Variants in PLOD2 observed in about 807,000 individuals in gnomAD.
PLOD2 encodes procollagen-lysine,2-oxoglutarate 5-dioxygenase 2, also known as lysine hydroxylase 2.
PLOD2 carries 65 observed loss-of-function variants against 101.0 expected under a neutral mutation model. The ratio of observed to expected loss-of-function variants is 0.64; its 90% CI spans 0.53 to 0.79. The LOEUF (loss-of-function observed/expected upper bound fraction) is 0.79, where lower values mean the gene tolerates loss of function less well. Ranked by LOEUF, PLOD2 falls within the 30% of genes least tolerant of loss-of-function variation. The pLI, the probability that PLOD2 is intolerant of heterozygous loss-of-function variation, is 0.00. For synonymous variants in PLOD2, 314 were observed against 302.9 expected (o/e 1.04, Z -0.38); for missense variants, 909 against 914.6 (o/e 0.99, Z 0.08).
Position 146,135,778 on chromosome 3 carries a change from C to T in PLOD2, c.110-11549G>A, listed in dbSNP as rs541772118. ...GCATCTTTTTAAAATTTTTGTATTTCTTCGAGATATTTCCAAATAGAGTAC... is the reference window on the plus strand; with the variant it reads ...GCATCTTTTTAAAATTTTTGTATTTTTTCGAGATATTTCCAAATAGAGTAC... On this transcript the variant is annotated intron_variant, in intron 1 of 19. Coordinates refer to ENST00000282903, the MANE Select transcript of PLOD2 (RefSeq NM_182943.3). Among the ~76,000 whole-genome samples, 385 of 152,024 alleles carry T rather than the reference C, an allele frequency of 2.5e-3. 2 individuals carry two copies. Among genetic ancestry groups the T allele is most frequent in the African/African-American group, 8.9e-3 (371 of 41,520 alleles).
intron 1 of PLOD2, among the ~76,000 whole-genome samples, chr3:146,144,124 T>C (rs1288790700): frequency 6.6e-6 from 1 of 152,126 alleles, no homozygotes; most frequent in Non-Finnish European, 1.5e-5. Flanking sequence ...CTTATAATGG[T>C]ATTCTTCAAC....
At chr3:146,080,611 A>C (rs915234511) in intron 12 of PLOD2, among the ~76,000 whole-genome samples, 5 of 151,988 alleles carry the variant, frequency 3.3e-5, no homozygotes, top group African/African-American at 1.2e-4. Context: ...TTTTTTCCTT[A>C]TACTTTAGAC....
chr3:146,114,975 T>C (rs937783348), intron 3 of PLOD2, among the ~76,000 whole-genome samples: 1 of 152,046 alleles, frequency 6.6e-6, no homozygotes, highest in African/African-American at 2.4e-5. Context: ...TGTAGAAAAC[T>C]TGGGGGGGAT....
intron 17 of PLOD2, among the ~76,000 whole-genome samples, chr3:146,071,877 T>C (rs1001059421): frequency 2.0e-5 from 3 of 151,722 alleles, no homozygotes; most frequent in Admixed American, 6.6e-5. Context: ...TCAAAAGTTT[T>C]TGAATGATTG....
At chr3:146,089,158 A>G (rs562972603) in intron 8 of PLOD2, among the ~76,000 whole-genome samples, 1 of 151,692 alleles carries the variant, frequency 6.6e-6, no homozygotes, top group South Asian at 2.1e-4. Context: ...AAAAGCAATC[A>G]TGGGAGACCT....
intron 2 of PLOD2, chr3:146,123,231 TAAA>T: frequency 1.2e-6 from 1 of 825,928 alleles, no homozygotes; most frequent in Non-Finnish European, 1.6e-6. Flanking sequence ...TCTTCTTTTT[TAAA>T]AAAAAAGTTT....
chr3:146,109,598 C>T (rs1444950095), intron 4 of PLOD2, among the ~76,000 whole-genome samples: 2 of 152,216 alleles, frequency 1.3e-5, no homozygotes, highest in Non-Finnish European at 2.9e-5. Context: ...ACATGTCCTT[C>T]ATCCTATTTG....
At chr3:146,110,176 A>G (rs543505884) in intron 4 of PLOD2, 109 bp downstream of exon 4, 1 of 926,898 alleles carries the variant, frequency 1.1e-6, no homozygotes, top group Non-Finnish European at 1.7e-6. Flanking sequence ...CTAATAATAA[A>G]ATAAGGGTTA....
chr3:146,114,369 T>G lies in PLOD2; in HGVS notation c.339-3921A>C, dbSNP rs141455430. ...GAAAACCAAGTACGTCTCAGGTATTTCTTATAGCAGCGTGAAAATGGACTA... is the reference window on the plus strand; with the variant it reads ...GAAAACCAAGTACGTCTCAGGTATTGCTTATAGCAGCGTGAAAATGGACTA... On this transcript the variant is annotated intron_variant, in intron 3 of 19. Transcript: ENST00000282903. Among the ~76,000 whole-genome samples the G allele has an allele frequency of 4.6e-5, 7 of 152,184 alleles. No individual in the cohort carries two copies. In the East Asian group the frequency reaches 1.2e-3, roughly 25 times the overall value.
intron 1 of PLOD2, among the ~76,000 whole-genome samples, chr3:146,158,289 C>T (rs992101039): frequency 6.6e-6 from 1 of 152,120 alleles, no homozygotes; most frequent in East Asian, 1.9e-4. Context: ...AATTCCTATA[C>T]GTTATTTTCA....
In PLOD2 at chr3:146,103,423, C is replaced by G. The variant is rs182713688; in HGVS notation, c.680-571G>C. ...GAGCAGAGCCATCGTCTTAAAATTT[C>G]CTGAGCACTCCAAACTAAACATTTT... On this transcript the variant is annotated intron_variant, in intron 6 of 19. Transcript: ENST00000282903. Among the ~76,000 whole-genome samples the G allele has an allele frequency of 4.1e-3, 625 of 151,850 alleles. 10 individuals carry two copies. Among genetic ancestry groups the G allele is most frequent in the Non-Finnish European group, 3.1e-3 (212 of 67,982 alleles).
intron 1 of PLOD2, among the ~76,000 whole-genome samples, chr3:146,132,948 G>A (rs1576619393): frequency 6.6e-6 from 1 of 152,194 alleles, no homozygotes; most frequent in African/African-American, 2.4e-5. Flanking sequence ...GGAGGCCAAG[G>A]TGGGCGGATC....
intron 1 of PLOD2, among the ~76,000 whole-genome samples, chr3:146,127,020 C>T (rs2030607985): frequency 6.6e-6 from 1 of 152,104 alleles, no homozygotes; most frequent in African/African-American, 2.4e-5. Context: ...TCCATCTATT[C>T]ATTCACTTAT....
At chr3:146,137,219 TA>T (rs2031281691) in intron 1 of PLOD2, among the ~76,000 whole-genome samples, 1 of 152,214 alleles carries the variant, frequency 6.6e-6, no homozygotes, top group Non-Finnish European at 1.5e-5. Flanking sequence ...TACAGCTCCA[TA>T]ATGTTGCTTC....
At chr3:146,110,546 A>G in intron 3 of PLOD2, 98 bp from the exon 4 acceptor site, 1 of 919,354 alleles carries the variant, frequency 1.1e-6, no homozygotes, top group Non-Finnish European at 1.7e-6. Flanking sequence ...AATCAAGAAT[A>G]CAATGCAAGA....
chr3:146,148,851 T>C (rs1056116008), intron 1 of PLOD2, among the ~76,000 whole-genome samples: 5 of 152,184 alleles, frequency 3.3e-5, no homozygotes, highest in Non-Finnish European at 7.3e-5. Flanking sequence ...TCTCAGTGTA[T>C]ATGTTGCAAG....
chr3:146,141,224 A>G (rs2031506021), intron 1 of PLOD2, among the ~76,000 whole-genome samples: 1 of 152,068 alleles, frequency 6.6e-6, no homozygotes, highest in South Asian at 2.1e-4. Context: ...CTACATTACA[A>G]TTTAAATTGC....
intron 7 of PLOD2, among the ~76,000 whole-genome samples, chr3:146,102,370 C>T (rs556939114): frequency 6.6e-6 from 1 of 151,980 alleles, no homozygotes; most frequent in South Asian, 2.1e-4. Flanking sequence ...ATTGTAATAC[C>T]CCAATCTTAA....
rs375132978 is a variant in PLOD2, at chr3:146,091,926, T to C, written c.778-25A>G. 78 of 1,237,918 alleles carry C rather than the reference T, an allele frequency of 6.3e-5. No individual in the cohort carries two copies. In the African/African-American group the frequency reaches 1.1e-3, roughly 17 times the overall value. 76.7% of individuals were successfully genotyped at this position (1,237,918 alleles called of 1,614,324 possible). On this transcript the variant is annotated intron_variant, in intron 7 of 19. Transcript: ENST00000282903. ...TCTTGTAAATGAAGGAAAAGGTTAT[T>C]AATGAAAGCAGGCCTCTCATCGGTG...
Sources: gnomAD v4.1 joint callset for allele counts (sites outside exome capture counted in the v4.1 genomes callset) on GRCh38, gnomAD v4.1.1 for gene constraint, MANE v1.5 for transcripts, NCBI Gene and HGNC (gene_info 2026-07-23, HGNC 2026-07-21) for gene names.